MGAT4C: variants seen among roughly 807,000 people sequenced by gnomAD.
The protein encoded by MGAT4C is MGAT4 family member C, also known as alpha-1,3-mannosyl-glycoprotein 4-beta-N-acetylglucosaminyltransferase C.
Under a neutral mutation model 40.1 loss-of-function variants are expected in MGAT4C, and 19 were observed. The observed-to-expected ratio is 0.47, with a 90% CI of 0.33 to 0.70. The LOEUF (loss-of-function observed/expected upper bound fraction) is 0.70. Ranked by LOEUF, MGAT4C falls within the 30% of genes least tolerant of loss-of-function variation. MGAT4C has a pLI of 0.02. For synonymous variants in MGAT4C, 181 were observed against 187.1 expected (o/e 0.97, Z 0.27); for missense variants, 491 against 563.2 (o/e 0.87, Z 1.30).
chr12:86,507,813 T>A (rs1035484918), intron 2 of MGAT4C, among the ~76,000 whole-genome samples: 3 of 152,166 alleles, frequency 2.0e-5, no homozygotes, highest in East Asian at 1.9e-4. Context: ...TATTCTAGTT[T>A]TAAAATATAT....
At chr12:86,761,188 A>C (rs1223188477) in intron 1 of MGAT4C, among the ~76,000 whole-genome samples, 1 of 152,188 alleles carries the variant, frequency 6.6e-6, no homozygotes, top group East Asian at 1.9e-4. Flanking sequence ...CTTAGTAAAA[A>C]AAATGAAATA....
At chr12:86,148,796 A>G (rs1182586558) in intron 1 of MGAT4C, among the ~76,000 whole-genome samples, 2 of 152,176 alleles carry the variant, frequency 1.3e-5, no homozygotes, top group South Asian at 2.1e-4. Context: ...ATTAAACTTA[A>G]TGGCATCTGA....
chr12:86,109,237 TAAC>T (rs1039852596), intron 1 of MGAT4C, among the ~76,000 whole-genome samples: 1 of 152,120 alleles, frequency 6.6e-6, no homozygotes, highest in Admixed American at 6.6e-5. Flanking sequence ...CAATTTGTAA[TAAC>T]AACAACAACA....
intron 1 of MGAT4C, among the ~76,000 whole-genome samples, chr12:86,235,552 A>G (rs1951499237): frequency 6.6e-6 from 1 of 151,938 alleles, no homozygotes; most frequent in South Asian, 2.1e-4. Flanking sequence ...CTATTGTCAT[A>G]CTGACTTTTT....
chr12:86,833,304 A>T (rs552241043), intron 1 of MGAT4C, among the ~76,000 whole-genome samples: 1 of 152,034 alleles, frequency 6.6e-6, no homozygotes, highest in South Asian at 2.1e-4. Flanking sequence ...GAAAGAGAAC[A>T]CAGAATAATA....
At chr12:86,618,802 G>T (rs767826930) in intron 2 of MGAT4C, among the ~76,000 whole-genome samples, 5 of 152,170 alleles carry the variant, frequency 3.3e-5, no homozygotes, top group South Asian at 2.1e-4. Context: ...TTGTATATTT[G>T]AAGACAGCTA....
chr12:85,988,349 T>A (rs892564060), intron 3 of MGAT4C, among the ~76,000 whole-genome samples: 4 of 152,154 alleles, frequency 2.6e-5, no homozygotes, highest in Non-Finnish European at 5.9e-5. Context: ...TAAAATCATA[T>A]GGTTGACTCA....
intron 1 of MGAT4C, among the ~76,000 whole-genome samples, chr12:86,050,496 ACT>A (rs1054596290): frequency 2.2e-4 from 34 of 152,170 alleles, no homozygotes; most frequent in Admixed American, 2.0e-3. Context: ...ATTTTTAAAA[ACT>A]CAGTGCTACT....
At chr12:86,515,203 T>A (rs1958661521) in intron 2 of MGAT4C, among the ~76,000 whole-genome samples, 1 of 152,160 alleles carries the variant, frequency 6.6e-6, no homozygotes, top group African/African-American at 2.4e-5. Context: ...GATAAAAGAC[T>A]GAAAACTTTC....
At chr12:86,788,529 A>G (rs1227616724) in intron 1 of MGAT4C, among the ~76,000 whole-genome samples, 1 of 152,112 alleles carries the variant, frequency 6.6e-6, no homozygotes, top group Non-Finnish European at 1.5e-5. Flanking sequence ...TTTCCTTTAA[A>G]TCTAGGAGTT....
chr12:86,516,022 G>C (rs1014821190), intron 2 of MGAT4C, among the ~76,000 whole-genome samples: 1 of 151,932 alleles, frequency 6.6e-6, no homozygotes, highest in African/African-American at 2.4e-5. Flanking sequence ...GGGATTACAG[G>C]TGTGAGCCAT....
chr12:86,014,205 C>T (rs1888822155), intron 2 of MGAT4C, among the ~76,000 whole-genome samples: 2 of 152,126 alleles, frequency 1.3e-5, no homozygotes, highest in South Asian at 4.1e-4. Context: ...ATCAAAGTTC[C>T]GGTTAATACT....
At chr12:86,356,976 G>A (rs895934771) in intron 3 of MGAT4C, among the ~76,000 whole-genome samples, 2 of 152,134 alleles carry the variant, frequency 1.3e-5, no homozygotes, top group African/African-American at 4.8e-5. Context: ...CAGAGTAGTG[G>A]TTCTCCCACC....
chr12:86,217,765 A>C lies in MGAT4C; in HGVS notation c.-57+38474T>G, dbSNP rs12581359. 4.1e-3 allele frequency among the ~76,000 whole-genome samples: 625 copies of C among 152,314 alleles called. 18 individuals are homozygous for C. The East Asian group carries it at 0.085, about 21-fold the overall frequency. On this transcript the variant is annotated intron_variant, in intron 1 of 4. Transcript: ENST00000611864. ...TGCTTTTGGTAAGAAAAAGCTATCAAGTATGAAGAGATTTTGTTTTAGTTA... is the reference window on the plus strand; with the variant it reads ...TGCTTTTGGTAAGAAAAAGCTATCACGTATGAAGAGATTTTGTTTTAGTTA...
chr12:86,656,725 A>G (rs1419651309), intron 2 of MGAT4C, among the ~76,000 whole-genome samples: 1 of 152,058 alleles, frequency 6.6e-6, no homozygotes, highest in African/African-American at 2.4e-5. Context: ...TTTGTGGAGT[A>G]ATAGAACACA....
intron 1 of MGAT4C, among the ~76,000 whole-genome samples, chr12:86,735,904 C>G (rs1950978394): frequency 6.6e-6 from 1 of 151,820 alleles, no homozygotes; most frequent in Admixed American, 6.6e-5. Flanking sequence ...CCAATGATAA[C>G]CTTTCTTCTG....
intron 1 of MGAT4C, among the ~76,000 whole-genome samples, chr12:86,793,324 C>G (rs1016588608): frequency 3.9e-5 from 6 of 152,048 alleles, no homozygotes; most frequent in Non-Finnish European, 5.9e-5. Context: ...TCTTCAGTAA[C>G]CAAGTGTAAA....
intron 2 of MGAT4C, among the ~76,000 whole-genome samples, chr12:85,996,607 G>C (rs1886648944): frequency 6.6e-6 from 1 of 152,138 alleles, no homozygotes; most frequent in South Asian, 2.1e-4. Flanking sequence ...AAAAGATAGA[G>C]ATAAACATTA....
intron 1 of MGAT4C, among the ~76,000 whole-genome samples, chr12:86,828,346 A>C (rs2136233464): frequency 6.6e-6 from 1 of 151,456 alleles, no homozygotes; most frequent in South Asian, 2.1e-4. Context: ...AAGTAAGGTA[A>C]TTTATATCTA....
Sources: gnomAD v4.1 joint callset for allele counts (sites outside exome capture counted in the v4.1 genomes callset) on GRCh38, gnomAD v4.1.1 for gene constraint, MANE v1.5 for transcripts, NCBI Gene and HGNC (gene_info 2026-07-23, HGNC 2026-07-21) for gene names.